The following DNAH3 variants were observed in gnomAD, a reference collection of about 807,000 sequenced individuals.
DNAH3 encodes the protein axonemal beta dynein heavy chain 3.
In DNAH3, 332 loss-of-function variants were observed where a neutral mutation model predicts 432.5. The observed-to-expected ratio is 0.77, with a 90% confidence interval of 0.70 to 0.84. DNAH3 has a LOEUF of 0.84. DNAH3 is among the 40% of genes least tolerant of loss of function. DNAH3 has a pLI of 0.00. For synonymous variants in DNAH3, 1,956 were observed against 1,900.2 expected (o/e 1.03, Z -0.76); for missense variants, 4,861 against 5,114.0 (o/e 0.95, Z 1.51).
chr16:21,006,329 C>A (rs975673914), intron 41 of DNAH3, among the ~76,000 whole-genome samples: 1 of 152,150 alleles, frequency 6.6e-6, no homozygotes, highest in Non-Finnish European at 1.5e-5. Context: ...ATCACTTCAT[C>A]TACAAACTTT....
At chr16:21,040,064 G>A (rs1200880435) in intron 32 of DNAH3, 121 bp from the exon 33 acceptor site, 1 of 816,840 alleles carries the variant, frequency 1.2e-6, no homozygotes, top group Non-Finnish European at 2.0e-6. Context: ...GACAATAAAG[G>A]CAAGAAGGAC....
intron 24 of DNAH3, among the ~76,000 whole-genome samples, chr16:21,065,170 T>G (rs1028660922): frequency 6.6e-6 from 1 of 151,138 alleles, no homozygotes; most frequent in African/African-American, 2.4e-5. Flanking sequence ...ATTATTCATA[T>G]TTTTTTTTGA....
intron 18 of DNAH3, among the ~76,000 whole-genome samples, chr16:21,089,955 G>A (rs140907689): frequency 5.3e-5 from 8 of 151,982 alleles, no homozygotes; most frequent in African/African-American, 1.9e-4. Flanking sequence ...AAAGAAAGAA[G>A]ATGCAAATTA....
intron 24 of DNAH3, among the ~76,000 whole-genome samples, chr16:21,064,151 G>A (rs557705621): frequency 3.3e-5 from 5 of 152,280 alleles, no homozygotes; most frequent in South Asian, 4.1e-4. Flanking sequence ...GTCTGTGCAC[G>A]TTCTAAGCCT....
At chr16:21,069,424 C>T in exon 23 of DNAH3, 1 of 1,613,912 alleles carries the variant, frequency 6.2e-7, no homozygotes, top group African/African-American at 1.3e-5. Flanking sequence ...CCGCTTGGGA[C>T]ATAAGTGATT....
intron 31 of DNAH3, among the ~76,000 whole-genome samples, chr16:21,047,363 C>A (rs1454914264): frequency 6.7e-6 from 1 of 149,556 alleles, no homozygotes; most frequent in Non-Finnish European, 1.5e-5. Flanking sequence ...TTCTTGGAGG[C>A]TTTGCTCATT....
intron 31 of DNAH3, among the ~76,000 whole-genome samples, chr16:21,043,036 G>A (rs1427592325): frequency 6.6e-6 from 1 of 152,164 alleles, no homozygotes. Context: ...ATTCCATGGT[G>A]CATATGTGCC....
At chr16:20,955,150 G>C in intron 54 of DNAH3, 93 bp from the exon 55 acceptor site, 9 of 1,305,902 alleles carry the variant, frequency 6.9e-6, no homozygotes, top group Non-Finnish European at 9.3e-6. Context: ...TAACAAAACA[G>C]ACCAGCCTGG....
At chr16:21,062,729 A>T (rs1210401277) in intron 24 of DNAH3, 46 bp from the exon 25 acceptor site, 1 of 1,525,154 alleles carries the variant, frequency 6.6e-7, no homozygotes, top group Non-Finnish European at 9.0e-7. Flanking sequence ...TCTTCCAAGA[A>T]CTTTTTCTAG....
intron 5 of DNAH3, among the ~76,000 whole-genome samples, chr16:21,137,261 T>TAAAA (rs60457553): frequency 8.5e-6 from 1 of 117,034 alleles, no homozygotes; most frequent in Non-Finnish European, 1.8e-5. Flanking sequence ...GATTTCTGTC[T>TAAAA]AAAAAAAAAA....
At chr16:21,026,674 C>T (rs2088573408) in intron 38 of DNAH3, among the ~76,000 whole-genome samples, 1 of 130,152 alleles carries the variant, frequency 7.7e-6, no homozygotes, top group Non-Finnish European at 1.5e-5. Flanking sequence ...GGACTCCAGC[C>T]TGGGTGACAG....
At chr16:21,125,567 T>G (rs1435153020) in intron 8 of DNAH3, among the ~76,000 whole-genome samples, 197 bp from the exon 10 acceptor site, 1 of 152,212 alleles carries the variant, frequency 6.6e-6, no homozygotes, top group Non-Finnish European at 1.5e-5. Context: ...AGATTTGAAT[T>G]AAGAGGTTAT....
chr16:21,129,836 G>A (rs2092521067), intron 7 of DNAH3: 1 of 151,868 alleles, frequency 6.6e-6, no homozygotes, highest in African/African-American at 2.4e-5. Flanking sequence ...GTGTTTTATG[G>A]GCAAGCAGCC....
At chr16:21,097,313 C>T in intron 18 of DNAH3, 42 bp downstream of exon 18, 1 of 1,609,964 alleles carries the variant, frequency 6.2e-7, no homozygotes, top group Non-Finnish European at 8.5e-7. Context: ...GGATCCTCCA[C>T]CTCATCCCCA....
At chr16:21,130,662 A>C (rs888288092) in intron 7 of DNAH3, among the ~76,000 whole-genome samples, 3 of 152,040 alleles carry the variant, frequency 2.0e-5, no homozygotes, top group African/African-American at 7.2e-5. Flanking sequence ...ATTTCAGTTC[A>C]CTTTGGTGCT....
At chr16:20,965,283 C>T (rs771608383) in exon 53 of DNAH3, 21 of 1,613,552 alleles carry the variant, frequency 1.3e-5, no homozygotes, top group East Asian at 2.2e-5. Flanking sequence ...GCTGGAATTC[C>T]GGGTGATTGA....
intron 45 of DNAH3, 46 bp from the exon 46 acceptor site, chr16:20,987,895 C>T (rs1555520627): frequency 6.2e-7 from 1 of 1,613,992 alleles, no homozygotes; most frequent in Non-Finnish European, 8.5e-7. Flanking sequence ...GGGCCAGAAA[C>T]TGAGAACCCC....
chr16:20,974,507 A>G (rs1266784743), intron 51 of DNAH3, among the ~76,000 whole-genome samples: 2 of 150,776 alleles, frequency 1.3e-5, no homozygotes, highest in Non-Finnish European at 2.9e-5. Context: ...GGGCTCAAGC[A>G]ATCCTCCCAC....
intron 26 of DNAH3, among the ~76,000 whole-genome samples, chr16:21,059,829 T>C (rs2090282439): frequency 6.6e-6 from 1 of 151,384 alleles, no homozygotes; most frequent in African/African-American, 2.4e-5. Context: ...TGAATGTGAC[T>C]ACAGGCTGGG....
Sources: gnomAD v4.1 joint callset for allele counts (sites outside exome capture counted in the v4.1 genomes callset) on GRCh38, gnomAD v4.1.1 for gene constraint, MANE v1.5 for transcripts, NCBI Gene and HGNC (gene_info 2026-07-23, HGNC 2026-07-21) for gene names.